MAP4K3: variants seen among roughly 807,000 people sequenced by gnomAD.
The protein encoded by MAP4K3 is mitogen-activated protein kinase kinase kinase kinase 3.
Under a neutral mutation model 143.5 loss-of-function variants are expected in MAP4K3, and 94 were observed. That is an observed-to-expected ratio of 0.65 (90% CI 0.55 to 0.78). The LOEUF is 0.78. Among genes scored for constraint, MAP4K3 ranks in the 30% least tolerant of loss-of-function variants. The pLI is 0.00. For synonymous variants in MAP4K3, 416 were observed against 347.2 expected, an observed-to-expected ratio of 1.20 and a Z score of -2.20; for missense variants, 1,077 against 1,068.1, an observed-to-expected ratio of 1.01 and a Z score of -0.12.
At chr2:39,355,425 T>A (rs1274599310) in intron 3 of MAP4K3, among the ~76,000 whole-genome samples, 1 of 146,274 alleles carries the variant, frequency 6.8e-6, no homozygotes, top group African/African-American at 2.6e-5. Context: ...CAGCTATTCA[T>A]GAGGCTGAGG....
rs552509168 is a variant in MAP4K3, at chr2:39,356,478, G to A, written c.155-139C>T. ...GTTATAAATAAAACATAGCCAATAA[G>A]TTAATGGTATTACTTTTAATGACAA... On this transcript the variant is annotated intron_variant, in intron 2 of 33. Transcript: ENST00000263881. 15 of 581,844 alleles carry A rather than the reference G, an allele frequency of 2.6e-5. No homozygotes were observed. The East Asian group carries it at 4.8e-4, about 19-fold the overall frequency. 36.0% of individuals were successfully genotyped at this position (581,844 alleles called of 1,614,324 possible).
chr2:39,404,617 C>CTTTTTTTTTTTT (rs1174319224), intron 1 of MAP4K3, among the ~76,000 whole-genome samples: 3 of 86,144 alleles, frequency 3.5e-5, no homozygotes, highest in African/African-American at 9.5e-5. Flanking sequence ...TTCTTTCTTT[C>CTTTTTTTTTTTT]TTTTTTTTTT....
chr2:39,379,108 C>T (rs145069007), intron 1 of MAP4K3, among the ~76,000 whole-genome samples: 2 of 152,044 alleles, frequency 1.3e-5, no homozygotes, highest in Non-Finnish European at 1.5e-5. Flanking sequence ...TTCCTAGTTG[C>T]AACACTCTCT....
chr2:39,260,306 G>A (rs558917112), intron 29 of MAP4K3, among the ~76,000 whole-genome samples: 2 of 152,148 alleles, frequency 1.3e-5, no homozygotes, highest in Admixed American at 1.3e-4. Context: ...TTTAGAGACA[G>A]GGTCTTGCTA....
At position 39,390,713 on chromosome 2, in the gene MAP4K3, G is replaced by GA. The variant is rs1442112505; in HGVS notation, c.97-12591dup. 5.3e-5 allele frequency among the ~76,000 whole-genome samples: 8 copies of GA among 150,648 alleles called. No individual in the cohort carries two copies. The East Asian group carries it at 1.6e-3, about 29-fold the overall frequency. On this transcript the variant is annotated intron_variant, in intron 1 of 33. Transcript: ENST00000263881. ...CCAAATCAGAAACTGGAGATCAGAA[G>GA]AAAAAGCACTTTTCTAAGATTAACA...
chr2:39,337,786 A>G (rs1261438659), intron 4 of MAP4K3, among the ~76,000 whole-genome samples: 1 of 89,708 alleles, frequency 1.1e-5, no homozygotes, highest in Non-Finnish European at 2.0e-5. Flanking sequence ...TTTTTGAGAC[A>G]GGGTCTCATT....
At chr2:39,383,226 T>C (rs528220892) in intron 1 of MAP4K3, among the ~76,000 whole-genome samples, 1 of 152,214 alleles carries the variant, frequency 6.6e-6, no homozygotes, top group Non-Finnish European at 1.5e-5. Context: ...GACTCACAAT[T>C]CCGCAGGGTT....
intron 2 of MAP4K3, among the ~76,000 whole-genome samples, chr2:39,367,529 G>C (rs1407112002): frequency 6.6e-6 from 1 of 151,656 alleles, no homozygotes; most frequent in Non-Finnish European, 1.5e-5. Flanking sequence ...GACAGTATGA[G>C]ACTCTATCTA....
intron 1 of MAP4K3, among the ~76,000 whole-genome samples, chr2:39,408,721 G>T (rs938134265): frequency 6.6e-6 from 1 of 151,698 alleles, no homozygotes; most frequent in African/African-American, 2.4e-5. Flanking sequence ...AGAGCTAACA[G>T]ATACCAAACC....
chr2:39,296,696 A>C (rs747486911), intron 16 of MAP4K3, among the ~76,000 whole-genome samples: 3 of 152,166 alleles, frequency 2.0e-5, no homozygotes, highest in East Asian at 1.9e-4. Context: ...CAAACCAACA[A>C]GCAAACAAAC....
At chr2:39,291,598 G>A (rs993094994) in intron 18 of MAP4K3, among the ~76,000 whole-genome samples, 3 of 152,180 alleles carry the variant, frequency 2.0e-5, no homozygotes, top group Non-Finnish European at 4.4e-5. Context: ...TTTAGAAACA[G>A]AAAGAGGCTG....
At chr2:39,257,574 G>A (rs1017799081) in intron 31 of MAP4K3, among the ~76,000 whole-genome samples, 12 of 152,102 alleles carry the variant, frequency 7.9e-5, no homozygotes, top group African/African-American at 2.9e-4. Context: ...GCCGAGGCGG[G>A]TGGATCACGA....
intron 1 of MAP4K3, 37 bp from the exon 2 acceptor site, chr2:39,378,160 AG>A (rs1666268401): frequency 1.6e-6 from 2 of 1,218,866 alleles, no homozygotes; most frequent in Admixed American, 2.3e-5. Context: ...TTGTGAAGAA[AG>A]CTTTCATAAA....
chr2:39,352,913 T>C (rs914528832), intron 3 of MAP4K3, among the ~76,000 whole-genome samples: 9 of 152,178 alleles, frequency 5.9e-5, no homozygotes, highest in African/African-American at 2.2e-4. Flanking sequence ...AGCAACAACA[T>C]AGAAGGAAGA....
intron 1 of MAP4K3, among the ~76,000 whole-genome samples, chr2:39,433,692 T>G (rs574280130): frequency 6.6e-6 from 1 of 152,308 alleles, no homozygotes; most frequent in African/African-American, 2.4e-5. Context: ...ATGGGCCTCC[T>G]GAGGCCCAAC....
In MAP4K3 at chr2:39,272,374, T is replaced by G. The variant is rs1220066728; in HGVS notation, c.1882A>C (p.Asn628His). ...GCATAATCAAAAAGCCCTGGTAAAT[T>G]ATGGGAATAAAGCTGAGAAGCTTTA... is the stretch of plus-strand genomic sequence containing the variant. ...SGKASQLYSHNLPGLFDYARQ... is the reference protein window; with the variant it reads ...SGKASQLYSHHLPGLFDYARQ... Residue 628 changes from asparagine (N) to histidine (H), a missense_variant, in exon 26 of 34, where the codon AAT (asparagine) becomes CAT (histidine). Physicochemically the swap from Asn to His is moderately conservative, Grantham distance 68. Transcript: ENST00000263881. 6.2e-7 allele frequency: 1 copy of G among 1,613,650 alleles called. No individual in the cohort carries two copies. The highest frequency in any genetic ancestry group is 1.1e-5 in the South Asian group (1 of 91,044).
intron 3 of MAP4K3, among the ~76,000 whole-genome samples, chr2:39,353,043 A>C (rs1665503204): frequency 6.6e-6 from 1 of 152,204 alleles, no homozygotes; most frequent in Non-Finnish European, 1.5e-5. Flanking sequence ...TCTGAGACTA[A>C]ATCTGGCCTT....
At chr2:39,382,013 G>C (rs1666367532) in intron 1 of MAP4K3, among the ~76,000 whole-genome samples, 1 of 152,200 alleles carries the variant, frequency 6.6e-6, no homozygotes, top group Non-Finnish European at 1.5e-5. Flanking sequence ...AAATCCTGCA[G>C]GTCTAGACCG....
At chr2:39,322,055 C>CTT (rs5830563) in intron 12 of MAP4K3, among the ~76,000 whole-genome samples, 152,244 of 152,298 alleles carry the variant, frequency 1, 76,095 homozygotes, top group Non-Finnish European at 1. Context: ...GTCTCTGTGT[C>CTT]TTTCTTTTCC....
Sources: allele counts gnomAD v4.1 joint callset (sites outside exome capture counted in the v4.1 genomes callset), GRCh38; gene constraint gnomAD v4.1.1; transcripts MANE v1.5; gene names NCBI Gene and HGNC (gene_info 2026-07-23, HGNC 2026-07-21).